SPX: variants seen among roughly 807,000 people sequenced by gnomAD.
SPX encodes the protein spexin.
SPX carries 22 observed loss-of-function variants against 19.2 expected under a neutral mutation model. The observed-to-expected ratio is 1.15, with a 90% CI of 0.82 to 1.64. The LOEUF (loss-of-function observed/expected upper bound fraction) is 1.64, where lower values mean the gene tolerates loss of function less well. Ranked by LOEUF, SPX falls within the 40% of genes most tolerant of loss-of-function variation. The probability of loss-of-function intolerance (pLI) is 0.00; values close to 1 mark genes in which losing one functional copy is unlikely to be tolerated. For synonymous variants in SPX, 50 were observed against 53.3 expected (o/e 0.94, Z 0.27); for missense variants, 143 against 137.7 (o/e 1.04, Z -0.19).
In SPX at chr12:21,527,633, G is replaced by T. The variant is rs1591768426; in HGVS notation, c.146-94G>T. On this transcript the variant is annotated intron_variant, in intron 3 of 5. Coordinates refer to ENST00000256969, the MANE Select transcript of SPX (RefSeq NM_030572.4). ...CTGGAGCAACCTGCCCCCTCCCCAC[G>T]CCCGGGGACTGCGCTGTGCCGGGAG... 33 of 1,298,514 alleles carry T rather than the reference G, an allele frequency of 2.5e-5. No homozygotes were observed. The East Asian group carries it at 6.9e-4, about 27-fold the overall frequency. 80.4% of individuals were successfully genotyped at this position (1,298,514 alleles called of 1,614,324 possible). A position where few individuals can be genotyped will look rare whatever the true frequency, so the allele number is the denominator to read the frequency against.
intron 5 of SPX, among the ~76,000 whole-genome samples, chr12:21,529,869 C>T (rs936378443): frequency 6.6e-6 from 1 of 152,058 alleles, no homozygotes; most frequent in African/African-American, 2.4e-5. Flanking sequence ...TGGAACCCAG[C>T]GATTTTTGGA....
intron 5 of SPX, among the ~76,000 whole-genome samples, chr12:21,530,202 A>C (rs1036247389): frequency 6.6e-6 from 1 of 152,200 alleles, no homozygotes; most frequent in African/African-American, 2.4e-5. Context: ...TAAATTAATC[A>C]CTAGTCTTCT....
chr12:21,531,006 G>A, intron 5 of SPX, 131 bp from the exon 6 acceptor site: 1 of 620,236 alleles, frequency 1.6e-6, no homozygotes. Context: ...TAAATTTTCA[G>A]TAGCAGAGTC....
At position 21,526,919 on chromosome 12, in the gene SPX, C is replaced by A; in HGVS notation, c.40C>A (p.Leu14Ile). Residue 14 changes from leucine to isoleucine, a missense_variant, in exon 2 of 6, where the codon CTT (leucine) becomes ATT (isoleucine). Coordinates refer to ENST00000256969, the MANE Select transcript of SPX (RefSeq NM_030572.4). ...LRSLAATTLA[L>I]FLVFVFLGNS... ...AAGTCTGGCAGCAACAACCTTGGCT[C>A]TTTTCCTGGTGTTTGTTTTCCTGGG... 1 of 1,614,238 alleles carries A rather than the reference C, an allele frequency of 6.2e-7. No homozygotes were observed. Among genetic ancestry groups the A allele is most frequent in the Non-Finnish European group, 8.5e-7 (1 of 1,180,036 alleles).
rs1943877340 is a variant in SPX, at chr12:21,532,690, T to A, written c.*1495T>A. ...TGGGACATTAAAAATTATTTACCCA[T>A]CAGACATAAAATTGTACAAATTGAC... On this transcript the variant is annotated 3_prime_UTR_variant, in exon 6 of 6. Transcript: ENST00000256969. The A allele has an allele frequency of 6.6e-6, 1 of 152,190 alleles. No homozygotes were observed. Among genetic ancestry groups the A allele is most frequent in the South Asian group, 2.1e-4 (1 of 4,830 alleles). 9.4% of individuals were successfully genotyped at this position (152,190 alleles called of 1,614,324 possible). A position where few individuals can be genotyped will look rare whatever the true frequency, so the allele number is the denominator to read the frequency against.
Position 21,527,746 on chromosome 12 carries a change from C to T in SPX, c.165C>T (p.Ser55=). The change falls in exon 4 of 6, where the codon TCC becomes TCT. Residue 55 remains serine, a synonymous_variant. Coordinates refer to ENST00000256969, the MANE Select transcript of SPX (RefSeq NM_030572.4). ...LKGAQGRRFI[S]DQSRRKDLSD... is the part of the protein sequence containing the mutation. The stretch of plus-strand genomic sequence containing the variant: ...TTGCAGAGGGTCGCCGCTTCATCTC[C>T]GACCAGAGCCGGAGAAAGGACCTCT... The T allele has an allele frequency of 6.4e-7, 1 of 1,568,858 alleles. No homozygotes were observed. Among genetic ancestry groups the T allele is most frequent in the Non-Finnish European group, 8.6e-7 (1 of 1,156,400 alleles).
chr12:21,527,899 G>C (rs2136820840), intron 4 of SPX, 110 bp downstream of exon 4: 5 of 1,324,582 alleles, frequency 3.8e-6, no homozygotes, highest in African/African-American at 1.5e-5. Context: ...TCACCGGAAA[G>C]ACGCGGCTCT....
chr12:21,530,550 T>C (rs892567802), intron 5 of SPX, among the ~76,000 whole-genome samples: 2 of 152,138 alleles, frequency 1.3e-5, no homozygotes, highest in Non-Finnish European at 2.9e-5. Context: ...TTCTATCCTA[T>C]TTTTAGAGTC....
rs187074333 is a variant in SPX, at chr12:21,531,900, A to G, written c.*705A>G. 1.3e-5 allele frequency: 2 copies of G among 152,166 alleles called. No homozygotes were observed. Among genetic ancestry groups the G allele is most frequent in the East Asian group, 3.9e-4 (2 of 5,180 alleles). The allele number at this position is 152,166 out of a possible 1,614,324, so 9.4% of individuals were successfully genotyped here. A position where few individuals can be genotyped will look rare whatever the true frequency, so the allele number is the denominator to read the frequency against. The stretch of plus-strand genomic sequence containing the variant: ...CTGGGAAATAAGCAGATGGAGACAC[A>G]CTCTGTTGTTTACGTATTGGAAGAA... On this transcript the variant is annotated 3_prime_UTR_variant, in exon 6 of 6. Transcript: ENST00000256969.
chr12:21,526,698 T>C (rs1289314644), intron 1 of SPX, among the ~76,000 whole-genome samples, 188 bp from the exon 2 acceptor site: 1 of 145,230 alleles, frequency 6.9e-6, no homozygotes, highest in Non-Finnish European at 1.5e-5. Context: ...TGTTTCTAAA[T>C]ACGTTTTTTC....
At chr12:21,530,338 C>T (rs1943852615) in intron 5 of SPX, among the ~76,000 whole-genome samples, 1 of 152,038 alleles carries the variant, frequency 6.6e-6, no homozygotes, top group African/African-American at 2.4e-5. Flanking sequence ...TGTTTTCTTC[C>T]TTCCCTTTAA....
chr12:21,527,864 G>C, intron 4 of SPX, 75 bp downstream of exon 4: 1 of 1,473,652 alleles, frequency 6.8e-7, no homozygotes, highest in Non-Finnish European at 9.2e-7. Flanking sequence ...CTTGCTCCGC[G>C]CTGGTGCCGA....
Position 21,531,269 on chromosome 12 carries a change from AC to A in SPX, c.*77del. On this transcript the variant is annotated 3_prime_UTR_variant, in exon 6 of 6. Coordinates refer to ENST00000256969, the MANE Select transcript of SPX (RefSeq NM_030572.4). Reference sequence around the variant, plus strand: ...TGAACCATGTGAATAAAACCTTTGGACCCTTTTATTCCATTTGTAATCTTAA... The same window carrying A: ...TGAACCATGTGAATAAAACCTTTGGACCTTTTATTCCATTTGTAATCTTAA... 9.0e-7 allele frequency: 1 copy of A among 1,110,234 alleles called. No individual in the cohort carries two copies. The highest frequency in any genetic ancestry group is 1.6e-5 in the African/African-American group (1 of 62,488). The allele number at this position is 1,110,234 out of a possible 1,614,324, so 68.8% of individuals were successfully genotyped here.
intron 1 of SPX, 86 bp from the exon 2 acceptor site, chr12:21,526,800 G>A: frequency 7.8e-7 from 1 of 1,281,388 alleles, no homozygotes; most frequent in Non-Finnish European, 1.1e-6. Context: ...AAGTAAGGGG[G>A]TTTATAATTG....
Position 21,526,424 on chromosome 12 carries a change from C to G in SPX, c.-49C>G, listed in dbSNP as rs1179679001. Reference sequence around the variant, plus strand: ...CCAATTTCAGAGCAAGAGTCGAAAACTCACAGATAAAGTTATAGTTATTTC... The same window carrying G: ...CCAATTTCAGAGCAAGAGTCGAAAAGTCACAGATAAAGTTATAGTTATTTC... On this transcript the variant is annotated 5_prime_UTR_variant, in exon 1 of 6. Transcript: ENST00000256969. 1 of 1,553,536 alleles carries G rather than the reference C, an allele frequency of 6.4e-7. No individual in the cohort carries two copies.
chr12:21,526,785 G>A, intron 1 of SPX, 101 bp from the exon 2 acceptor site: 1 of 1,152,206 alleles, frequency 8.7e-7, no homozygotes, highest in Non-Finnish European at 1.3e-6. Context: ...ACAGAATATT[G>A]CGAGAAGTAA....
chr12:21,529,176 AT>A (rs1215268885), intron 5 of SPX, 92 bp downstream of exon 5: 5 of 1,283,988 alleles, frequency 3.9e-6, no homozygotes, highest in Non-Finnish European at 4.5e-6. Flanking sequence ...CTCCCCCAGA[AT>A]TTCTTGGCCT....
rs1259339839 is a variant in SPX, at chr12:21,527,017, A to C, written c.87+51A>C. The C allele has an allele frequency of 2.5e-6, 4 of 1,587,204 alleles. No individual in the cohort carries two copies. In the East Asian group the frequency reaches 8.9e-5, roughly 35 times the overall value. On this transcript the variant is annotated intron_variant, in intron 2 of 5. Coordinates refer to ENST00000256969, the MANE Select transcript of SPX (RefSeq NM_030572.4). ...TTAAAACAATGCGCACTGTGTGTCC[A>C]CTCTGCTCTTTCTTTCTTCCTTCTT...
At position 21,526,536 on chromosome 12, in the gene SPX, G is replaced by C. The variant is rs891445013; in HGVS notation, c.6+58G>C. ...TAGCTATTTTTTAAAACGTTTTATAGCATTTTACCTATTTCATGTTTAATA... is the reference window on the plus strand; with the variant it reads ...TAGCTATTTTTTAAAACGTTTTATACCATTTTACCTATTTCATGTTTAATA... On this transcript the variant is annotated intron_variant, in intron 1 of 5. Coordinates refer to ENST00000256969, the MANE Select transcript of SPX (RefSeq NM_030572.4). The C allele has an allele frequency of 6.7e-6, 10 of 1,485,338 alleles. No individual in the cohort carries two copies. The African/African-American group carries it at 1.2e-4, about 19-fold the overall frequency. 92.0% of individuals were successfully genotyped at this position (1,485,338 alleles called of 1,614,324 possible).
Sources: allele counts gnomAD v4.1 joint callset (sites outside exome capture counted in the v4.1 genomes callset), GRCh38; gene constraint gnomAD v4.1.1; transcripts MANE v1.5; gene names NCBI Gene and HGNC (gene_info 2026-07-23, HGNC 2026-07-21).